Variants in AFF2 observed in about 807,000 individuals in gnomAD.
AFF2 encodes the protein AF4/FMR2 family member 2.
AFF2 carries 14 observed loss-of-function variants against 76.9 expected under a neutral mutation model. That is an observed-to-expected ratio of 0.18 (90% CI 0.12 to 0.28). The LOEUF (loss-of-function observed/expected upper bound fraction) is 0.28. AFF2 is among the 10% of genes least tolerant of loss of function. AFF2 has a pLI of 1.00. For missense variants in AFF2, 868 were observed against 1,001.1 expected, an observed-to-expected ratio of 0.87 and a Z score of 1.79; for synonymous variants, 398 against 366.7, an observed-to-expected ratio of 1.09 and a Z score of -0.98.
chrX:148,689,032 G>A (rs1361199285), intron 3 of AFF2, among the ~76,000 whole-genome samples: 3 of 112,030 alleles, frequency 2.7e-5, no homozygotes, highest in Non-Finnish European at 3.8e-5. Context: ...TACAGCCTGT[G>A]TGGTTTAAGC....
rs1433043518 is a variant in AFF2, at chrX:148,907,949, A to T, written c.1397+3691A>T. 7.2e-5 allele frequency among the ~76,000 whole-genome samples: 8 copies of T among 110,664 alleles called. No homozygotes were observed. In the Admixed American group the frequency reaches 7.7e-4, roughly 11 times the overall value. On this transcript the variant is annotated intron_variant, in intron 9 of 20. Transcript: ENST00000370460. ...GCGACCATTTCAGAGGCCTCCCCTC[A>T]AGGACGCATTCTCTTTCTCGGGGAT...
intron 7 of AFF2, among the ~76,000 whole-genome samples, chrX:148,866,722 C>T (rs1291299315): frequency 8.9e-6 from 1 of 112,636 alleles, no homozygotes; most frequent in African/African-American, 3.2e-5. Context: ...AAATGCTTCT[C>T]TCTCTATAAT....
At chrX:148,898,882 C>T (rs1278010693) in intron 8 of AFF2, among the ~76,000 whole-genome samples, 3 of 111,097 alleles carry the variant, frequency 2.7e-5, no homozygotes, top group Non-Finnish European at 5.7e-5. Context: ...ATGTTCCTGC[C>T]CCTGTTACGT....
intron 1 of AFF2, among the ~76,000 whole-genome samples, chrX:148,510,619 C>T (rs1478593898): frequency 8.9e-6 from 1 of 112,026 alleles, no homozygotes; most frequent in Non-Finnish European, 1.9e-5. Context: ...CAGATATCTA[C>T]TCCAACAAGA....
chrX:148,923,380 C>T lies in AFF2; in HGVS notation c.1397+19122C>T, dbSNP rs782585523. ...ATTAAAATGATTTGCTTTTGAACCT[C>T]ATATGCTTGGGACAAGAGGTTTTGT... On this transcript the variant is annotated intron_variant, in intron 9 of 20. Transcript: ENST00000370460. Among the ~76,000 whole-genome samples, 248 of 111,771 alleles carry T rather than the reference C, an allele frequency of 2.2e-3. 1 individual carries two copies. The highest frequency in any genetic ancestry group is 7.6e-3 in the African/African-American group (234 of 30,792).
At chrX:148,508,045 G>A (rs2052441243) in intron 1 of AFF2, among the ~76,000 whole-genome samples, 1 of 112,564 alleles carries the variant, frequency 8.9e-6, no homozygotes, top group South Asian at 3.6e-4. Context: ...ATATGAAGGT[G>A]TAAAAGCCAC....
Position 148,955,783 on chromosome X carries a change from C to T in AFF2, c.1738C>T (p.Pro580Ser), listed in dbSNP as rs1410697653. 2 of 1,209,615 alleles carry T rather than the reference C, an allele frequency of 1.7e-6. No homozygotes were observed. The highest frequency in any genetic ancestry group is 4.4e-5 in the Admixed American group (2 of 45,718). ...AGTGAAGACGAATGCCAGTCAGGTC[C>T]CAGCTGAACCCAAAGAAAGGCCTCT... ...MKVKTNASQV[P>S]AEPKERPLLS... Residue 580 changes from proline (P) to serine (S), a missense_variant, in exon 11 of 21, where the codon CCA (proline) becomes TCA (serine). Physicochemically the swap from Pro to Ser is moderately conservative, Grantham distance 74. This residue lies in a region of AFF2 where 532 missense variants were observed against 564.2 expected (regional missense o/e 0.94). Coordinates refer to ENST00000370460, the MANE Select transcript of AFF2 (RefSeq NM_002025.4).
At chrX:148,831,606 G>A (rs1252405885) in intron 4 of AFF2, among the ~76,000 whole-genome samples, 1 of 111,855 alleles carries the variant, frequency 8.9e-6, no homozygotes, top group Admixed American at 9.4e-5. Context: ...CTAATGCCCT[G>A]CCTGGCTTTG....
At chrX:148,517,097 G>T (rs1476659234) in intron 1 of AFF2, among the ~76,000 whole-genome samples, 1 of 111,780 alleles carries the variant, frequency 8.9e-6, no homozygotes, top group Non-Finnish European at 1.9e-5. Context: ...AGGCACTGGG[G>T]ATATCATAGT....
chrX:148,891,572 G>A (rs1277273910), intron 8 of AFF2, among the ~76,000 whole-genome samples: 7 of 111,585 alleles, frequency 6.3e-5, no homozygotes, highest in Admixed American at 2.9e-4. Context: ...AATGTGTGGC[G>A]GGCAAACTCC....
At chrX:148,843,576 GT>G in intron 7 of AFF2, 143 bp downstream of exon 7, 1 of 482,781 alleles carries the variant, frequency 2.1e-6, no homozygotes, top group Non-Finnish European at 3.4e-6. Flanking sequence ...TTTGGTTGGG[GT>G]GGGGGGAGAA....
rs193093325 is a variant in AFF2, at chrX:148,932,265, T to C, written c.1398-21315T>C. Among the ~76,000 whole-genome samples the C allele has an allele frequency of 6.4e-4, 72 of 112,391 alleles. 1 individual carries two copies. In the East Asian group the frequency reaches 6.8e-3, roughly 11 times the overall value. On this transcript the variant is annotated intron_variant, in intron 9 of 20. Coordinates refer to ENST00000370460, the MANE Select transcript of AFF2 (RefSeq NM_002025.4). ...CTTAATCTTCTGAGAATTTCTCAGA[T>C]TGGAAACAAGCTAGAATTATTCTGG...
chrX:148,529,310 T>C (rs782150071), intron 1 of AFF2, among the ~76,000 whole-genome samples: 4 of 111,922 alleles, frequency 3.6e-5, no homozygotes, highest in African/African-American at 1.3e-4. Flanking sequence ...GAAGTTTTTC[T>C]TCACCCATGA....
intron 4 of AFF2, among the ~76,000 whole-genome samples, chrX:148,836,315 A>G (rs1291267136): frequency 8.9e-6 from 1 of 112,092 alleles, no homozygotes; most frequent in Admixed American, 9.5e-5. Flanking sequence ...CTGCTTCAGC[A>G]GTGCCACTGT....
chrX:148,627,280 A>G (rs868969772), intron 1 of AFF2, among the ~76,000 whole-genome samples: 1 of 112,257 alleles, frequency 8.9e-6, no homozygotes, highest in African/African-American at 3.2e-5. Flanking sequence ...ATTAGAGAAG[A>G]CTTAATAGAA....
Position 148,933,561 on chromosome X carries a change from C to T in AFF2, c.1398-20019C>T, listed in dbSNP as rs971132658. Among the ~76,000 whole-genome samples the T allele has an allele frequency of 4.7e-4, 52 of 110,577 alleles. 1 individual carries two copies. The highest frequency in any genetic ancestry group is 1.6e-3 in the African/African-American group (49 of 30,285). ...CTTGTATCAGGGTAGTGGTGATGAG[C>T]GGTGAAGAGTGGATGGATTAGTGAT... On this transcript the variant is annotated intron_variant, in intron 9 of 20. Coordinates refer to ENST00000370460, the MANE Select transcript of AFF2 (RefSeq NM_002025.4).
At chrX:148,530,799 A>G (rs1257764227) in intron 1 of AFF2, among the ~76,000 whole-genome samples, 3 of 111,838 alleles carry the variant, frequency 2.7e-5, no homozygotes, top group Non-Finnish European at 5.6e-5. Context: ...CAACAAGTAT[A>G]TCCTATAGGT....
chrX:148,652,836 A>G (rs1438841574), intron 2 of AFF2, among the ~76,000 whole-genome samples: 2 of 112,040 alleles, frequency 1.8e-5, no homozygotes, highest in Non-Finnish European at 3.8e-5. Context: ...GGAAGAGATT[A>G]TGATGGAAGA....
chrX:148,832,002 C>T (rs1557273381), intron 4 of AFF2, among the ~76,000 whole-genome samples: 1 of 112,314 alleles, frequency 8.9e-6, no homozygotes, highest in East Asian at 2.8e-4. Context: ...ATAACAAGAC[C>T]TCACTCACAT....
Sources: allele counts gnomAD v4.1 joint callset (sites outside exome capture counted in the v4.1 genomes callset), GRCh38; gene constraint gnomAD v4.1.1; regional missense constraint gnomAD v4.1.1; transcripts MANE v1.5; gene names NCBI Gene and HGNC (gene_info 2026-07-23, HGNC 2026-07-21).